RNH1: variants seen among roughly 807,000 people sequenced by gnomAD.
RNH1 encodes ribonuclease inhibitor.
Under a neutral mutation model 46.1 loss-of-function variants are expected in RNH1, and 38 were observed. The observed-to-expected ratio is 0.82, with a 90% confidence interval of 0.64 to 1.08. RNH1 has a LOEUF of 1.08. Ranked by LOEUF, RNH1 falls within the 50% of genes least tolerant of loss-of-function variation. The probability of loss-of-function intolerance (pLI) is 0.00; values close to 1 mark genes in which losing one functional copy is unlikely to be tolerated. For missense variants in RNH1, 577 were observed against 590.7 expected, an observed-to-expected ratio of 0.98 and a Z score of 0.24; for synonymous variants, 319 against 279.1, an observed-to-expected ratio of 1.14 and a Z score of -1.43.
Position 499,971 on chromosome 11 carries a change from C to A in RNH1, c.301G>T (p.Gly101Cys). The A allele has an allele frequency of 6.3e-7, 1 of 1,589,040 alleles. No individual in the cohort carries two copies. Among genetic ancestry groups the A allele is most frequent in the Non-Finnish European group, 8.6e-7 (1 of 1,169,048 alleles). ...SLQNCCLTGA[G>C]CGVLSSTLRT... Reference sequence around the variant, plus strand: ...AGTGTGCTGGACAGGACCCCGCAGCCGGCCCCCGTCAGGCAGCAGTTCTGG... The same window carrying A: ...AGTGTGCTGGACAGGACCCCGCAGCAGGCCCCCGTCAGGCAGCAGTTCTGG... Residue 101 changes from glycine to cysteine, a missense_variant, in exon 5 of 11, where the codon GGC (glycine) becomes TGC (cysteine). Physicochemically the swap from Gly to Cys is radical, Grantham distance 159. Coordinates refer to ENST00000354420, the MANE Select transcript of RNH1 (RefSeq NM_203387.3).
Position 499,057 on chromosome 11 carries a change from C to T in RNH1, c.572G>A (p.Cys191Tyr), listed in dbSNP as rs1317680943. 1.9e-6 allele frequency: 3 copies of T among 1,613,244 alleles called. No individual in the cohort carries two copies. The highest frequency in any genetic ancestry group is 2.5e-6 in the Non-Finnish European group (3 of 1,179,954). ...DINEAGVRVL[C>Y]QGLKDSPCQL... ...GCAGGGGGAGTCCTTCAGGCCCTGGCACAGCACACGGACGCCAGCCTCATT... is the reference window on the plus strand; with the variant it reads ...GCAGGGGGAGTCCTTCAGGCCCTGGTACAGCACACGGACGCCAGCCTCATT... Residue 191 changes from cysteine to tyrosine, a missense_variant, in exon 6 of 11, where the codon TGC becomes TAC. Coordinates refer to ENST00000354420, the MANE Select transcript of RNH1 (RefSeq NM_203387.3).
chr11:498,482 G>T lies in RNH1; in HGVS notation c.931C>A (p.Pro311Thr), dbSNP rs761456081. 5.0e-6 allele frequency: 8 copies of T among 1,612,916 alleles called. No individual in the cohort carries two copies. Among genetic ancestry groups the T allele is most frequent in the South Asian group, 1.1e-5 (1 of 91,076 alleles). The change falls in exon 8 of 11, where the codon CCT becomes ACT. Residue 311 changes from proline to threonine, a missense_variant. Transcript: ENST00000354420. The part of the protein sequence containing the change: ...ARLLCETLLE[P>T]GCQLESLWVK... ...CACAGCGACTCCAGCTGGCAGCCAG[G>T]TTCCAGCAGGGTCTCACACAGCAGT...
At chr11:504,265 C>T (rs1850033282) in intron 2 of RNH1, among the ~76,000 whole-genome samples, 1 of 152,358 alleles carries the variant, frequency 6.6e-6, no homozygotes, top group South Asian at 2.1e-4. Context: ...AGTTCCCGGT[C>T]CCTGGGACCC....
intron 9 of RNH1, among the ~76,000 whole-genome samples, chr11:495,939 AG>A (rs551482496): frequency 6.3e-4 from 96 of 152,306 alleles, no homozygotes; most frequent in African/African-American, 2.0e-3. Flanking sequence ...CAAAACACTG[AG>A]GGTGGAAATT....
Position 501,933 on chromosome 11 carries a change from G to A in RNH1, c.101+129C>T. ...ACAAGAATCACATCTCATGCACGTG[G>A]TAGCTGCACAGAATTCATACTTCAT... On this transcript the variant is annotated intron_variant, in intron 3 of 10. Coordinates refer to ENST00000354420, the MANE Select transcript of RNH1 (RefSeq NM_203387.3). The surrounding 1 kb of genome is among the most constrained non-coding windows in gnomAD (Gnocchi z 4.1). 3.1e-6 allele frequency: 2 copies of A among 636,882 alleles called. No individual in the cohort carries two copies. Among genetic ancestry groups the A allele is most frequent in the Non-Finnish European group, 5.6e-6 (2 of 354,878 alleles). The allele number at this position is 636,882 out of a possible 1,614,324, so 39.5% of individuals were successfully genotyped here. A position where few individuals can be genotyped will look rare whatever the true frequency, so the allele number is the denominator to read the frequency against.
intron 6 of RNH1, 27 bp downstream of exon 6, chr11:498,988 C>T (rs755285180): frequency 1.2e-5 from 19 of 1,611,730 alleles, no homozygotes; most frequent in Middle Eastern, 1.6e-4. Flanking sequence ...GCCCACACCC[C>T]GCACCCCCCC....
rs1231361763 is a variant in RNH1, at chr11:504,893, G to C, written c.-157C>G. 2.0e-5 allele frequency: 3 copies of C among 152,268 alleles called. No individual in the cohort carries two copies. The highest frequency in any genetic ancestry group is 7.2e-5 in the African/African-American group (3 of 41,460). 9.4% of individuals were successfully genotyped at this position (152,268 alleles called of 1,614,324 possible). On this transcript the variant is annotated 5_prime_UTR_variant, in exon 2 of 11. Coordinates refer to ENST00000354420, the MANE Select transcript of RNH1 (RefSeq NM_203387.3). Reference sequence around the variant, plus strand: ...GTTGACGATGATTTGTTGTAGCTGAGGCGAACGGGGCGAGGCTGTGAGGAC... The same window carrying C: ...GTTGACGATGATTTGTTGTAGCTGACGCGAACGGGGCGAGGCTGTGAGGAC...
chr11:496,086 TAAGAA>T (rs1341120420), intron 9 of RNH1, among the ~76,000 whole-genome samples: 12 of 150,984 alleles, frequency 7.9e-5, no homozygotes, highest in East Asian at 3.9e-4. Flanking sequence ...AAAAGAAACA[TAAGAA>T]AGGAGAGAGA....
rs541285878 is a variant in RNH1 at position 500,328 on chromosome 11, G to A, written c.272+156C>T. ...GCCCTGTCCCCCCCGCTGTGAGACCGCCAGGCCTGTGTGCCTCTGGCTGAT... is the reference window on the plus strand; with the variant it reads ...GCCCTGTCCCCCCCGCTGTGAGACCACCAGGCCTGTGTGCCTCTGGCTGAT... On this transcript the variant is annotated intron_variant, in intron 4 of 10. Coordinates refer to ENST00000354420, the MANE Select transcript of RNH1 (RefSeq NM_203387.3). 1.1e-3 allele frequency: 1,037 copies of A among 924,710 alleles called. 25 individuals carry two copies. In the South Asian group the frequency reaches 0.016, roughly 14 times the overall value. The allele number at this position is 924,710 out of a possible 1,614,324, so 57.3% of individuals were successfully genotyped here. A position where few individuals can be genotyped will look rare whatever the true frequency, so the allele number is the denominator to read the frequency against.
chr11:496,648 G>A (rs564418468), intron 9 of RNH1, among the ~76,000 whole-genome samples: 4 of 152,252 alleles, frequency 2.6e-5, no homozygotes, highest in East Asian at 3.9e-4. Flanking sequence ...CAGCCTGGGC[G>A]ACAGAGCAAG....
intron 9 of RNH1, among the ~76,000 whole-genome samples, chr11:496,623 C>G (rs1018849876): frequency 6.6e-5 from 10 of 152,050 alleles, no homozygotes; most frequent in African/African-American, 2.2e-4. Flanking sequence ...GAGCCAAGAT[C>G]GCACCACTGC....
intron 2 of RNH1, among the ~76,000 whole-genome samples, chr11:504,244 C>A (rs1850028281): frequency 6.6e-6 from 1 of 152,232 alleles, no homozygotes; most frequent in Non-Finnish European, 1.5e-5. Flanking sequence ...CACGCTCAGG[C>A]GACGCGCAAA....
At position 498,034 on chromosome 11, in the gene RNH1, T is replaced by C. The variant is rs1849336772; in HGVS notation, c.1064A>G (p.Asp355Gly). 2.5e-6 allele frequency: 4 copies of C among 1,614,128 alleles called. No individual in the cohort carries two copies. The highest frequency in any genetic ancestry group is 3.4e-6 in the Non-Finnish European group (4 of 1,180,042). Residue 355 changes from aspartate to glycine, a missense_variant, in exon 9 of 11, where the codon GAT becomes GGT. Asp to Gly is a moderately conservative substitution (Grantham distance 94). Transcript: ENST00000354420. Reference protein sequence around the residue: ...ELQISNNRLEDAGVRELCQGL... With the variant: ...ELQISNNRLEGAGVRELCQGL... ...CTGGCACAGCTCCCGCACGCCCGCA[T>C]CCTCCAGCCTGTTGTTGCTTATCTG...
In RNH1 at chr11:501,038, G is replaced by C. The variant is rs1415958540; in HGVS notation, c.102-384C>G. On this transcript the variant is annotated intron_variant, in intron 3 of 10. Coordinates refer to ENST00000354420, the MANE Select transcript of RNH1 (RefSeq NM_203387.3). This position sits in a 1 kb window ranked among gnomAD's most constrained non-coding sequence, Gnocchi z 4.1. ...AGCTACTCGGGAGGCTGAGGCAGGA[G>C]GATCACTTGAGCCCAGGAGGTTGAG... 3 of 362,652 alleles carry C rather than the reference G, an allele frequency of 8.3e-6. No individual in the cohort carries two copies. Among genetic ancestry groups the C allele is most frequent in the Non-Finnish European group, 1.6e-5 (3 of 185,368 alleles). The allele number at this position is 362,652 out of a possible 1,614,324, so 22.5% of individuals were successfully genotyped here. A position where few individuals can be genotyped will look rare whatever the true frequency, so the allele number is the denominator to read the frequency against.
intron 2 of RNH1, among the ~76,000 whole-genome samples, chr11:503,929 C>A (rs183674592): frequency 6.6e-6 from 1 of 152,220 alleles, no homozygotes; most frequent in Admixed American, 6.5e-5. Flanking sequence ...CGGGAGTAAA[C>A]GCCCTTCTCT....
At position 500,451 on chromosome 11, in the gene RNH1, C is replaced by T. The variant is rs756488678; in HGVS notation, c.272+33G>A. On this transcript the variant is annotated intron_variant, in intron 4 of 10. Transcript: ENST00000354420. Reference sequence around the variant, plus strand: ...TGCCGGGCTACCAAAGCAGACTGCACCAGGCCAGAGGCAGTGCCAGGCCCC... The same window carrying T: ...TGCCGGGCTACCAAAGCAGACTGCATCAGGCCAGAGGCAGTGCCAGGCCCC... The T allele has an allele frequency of 2.5e-6, 4 of 1,586,692 alleles. No individual in the cohort carries two copies. The South Asian group carries it at 4.4e-5, about 18-fold the overall frequency.
intron 4 of RNH1, 131 bp downstream of exon 4, chr11:500,353 T>C: frequency 5.6e-6 from 6 of 1,079,814 alleles, no homozygotes; most frequent in Non-Finnish European, 6.6e-6. Context: ...CTCTGGCTGA[T>C]GTTGGAAATG....
Position 497,927 on chromosome 11 carries a change from TATG to T in RNH1, c.1127+41_1127+43del, listed in dbSNP as rs1181525648. The T allele has an allele frequency of 3.2e-6, 5 of 1,586,110 alleles. No individual in the cohort carries two copies. In the South Asian group the frequency reaches 3.4e-5, roughly 11 times the overall value. On this transcript the variant is annotated intron_variant, in intron 9 of 10. Transcript: ENST00000354420. ...TCGCCCTTGTGTGCACACACGGGCA[TATG>T]ATCTCCCAAATGTGCATACTCGTGT...
intron 8 of RNH1, 149 bp from the exon 9 acceptor site, chr11:498,290 C>T: frequency 1.5e-5 from 19 of 1,257,668 alleles, no homozygotes; most frequent in Non-Finnish European, 2.1e-5. Context: ...GTCCTTGGCC[C>T]CAAGCACTGT....
Sources: gnomAD v4.1 joint callset for allele counts (sites outside exome capture counted in the v4.1 genomes callset) on GRCh38, gnomAD v4.1.1 for gene constraint, Gnocchi (gnomAD v3.1) non-coding constraint, MANE v1.5 for transcripts, NCBI Gene and HGNC (gene_info 2026-07-23, HGNC 2026-07-21) for gene names.